LMBR1L: variants seen among roughly 807,000 people sequenced by gnomAD.
LMBR1L encodes limb development membrane protein 1 like.
Under a neutral mutation model 67.3 loss-of-function variants are expected in LMBR1L, and 47 were observed. The ratio of observed to expected loss-of-function variants is 0.70; its 90% confidence interval spans 0.55 to 0.89. The LOEUF is 0.89. Among genes scored for constraint, LMBR1L ranks in the 40% least tolerant of loss-of-function variants. The pLI is 0.00. For missense variants in LMBR1L, 533 were observed against 599.2 expected (o/e 0.89, Z 1.15); for synonymous variants, 247 against 250.3 (o/e 0.99, Z 0.13).
chr12:49,099,801 G>A (rs1024277285), intron 15 of LMBR1L, among the ~76,000 whole-genome samples: 15 of 152,024 alleles, frequency 9.9e-5, no homozygotes, highest in African/African-American at 3.4e-4. Flanking sequence ...GGCTGGTCTC[G>A]AAATCCTGAC....
chr12:49,099,273 G>A (rs909555351), intron 15 of LMBR1L, among the ~76,000 whole-genome samples: 3 of 151,778 alleles, frequency 2.0e-5, no homozygotes, highest in African/African-American at 7.3e-5. Flanking sequence ...CAATTCTCAT[G>A]CCTCAGCTGA....
At chr12:49,100,492 G>A in intron 14 of LMBR1L, 38 bp from the exon 15 acceptor site, 1 of 1,607,902 alleles carries the variant, frequency 6.2e-7, no homozygotes, top group Non-Finnish European at 8.5e-7. Context: ...GAGGGTGGAA[G>A]AGCTGCAGGC....
intron 15 of LMBR1L, among the ~76,000 whole-genome samples, chr12:49,099,860 C>T (rs1939905688): frequency 6.6e-6 from 1 of 152,204 alleles, no homozygotes; most frequent in Non-Finnish European, 1.5e-5. Context: ...GGATTACAGG[C>T]ATGAGCCACT....
chr12:49,106,283 G>T (rs1399864490), intron 2 of LMBR1L: 3 of 406,792 alleles, frequency 7.4e-6, no homozygotes, highest in Non-Finnish European at 1.4e-5. Context: ...CTGTGAGGTT[G>T]GTTACATCAG....
In LMBR1L at chr12:49,103,752, A is replaced by G; in HGVS notation, c.497T>C (p.Leu166Pro). Residue 166 changes from leucine (L) to proline (P), a missense_variant, in exon 6 of 17, where the codon CTA becomes CCA. Transcript: ENST00000267102. ...VMLMLLTLLV[L>P]GMVWVASAIV... Reference sequence around the variant, plus strand: ...GGCTGATGCCACCCACACCATACCTAGCACCAGCAGAGTGAGGAGCATCAA... The same window carrying G: ...GGCTGATGCCACCCACACCATACCTGGCACCAGCAGAGTGAGGAGCATCAA... The G allele has an allele frequency of 1.2e-6, 2 of 1,614,088 alleles. No homozygotes were observed. Among genetic ancestry groups the G allele is most frequent in the Non-Finnish European group, 1.7e-6 (2 of 1,179,992 alleles).
At chr12:49,103,202 C>A (rs979420108) in intron 6 of LMBR1L, 43 bp from the exon 7 acceptor site, 1 of 1,544,390 alleles carries the variant, frequency 6.5e-7, no homozygotes, top group African/African-American at 1.4e-5. Flanking sequence ...TCTCTCCTTA[C>A]TTACTGTCCC....
At position 49,103,750 on chromosome 12, in the gene LMBR1L, C is replaced by T; in HGVS notation, c.499G>A (p.Gly167Ser). The T allele has an allele frequency of 6.2e-7, 1 of 1,614,144 alleles. No homozygotes were observed. The highest frequency in any genetic ancestry group is 8.5e-7 in the Non-Finnish European group (1 of 1,180,016). Residue 167 changes from glycine to serine, a missense_variant, in exon 6 of 17, where the codon GGT (glycine) becomes AGT (serine). Around this residue, in one of 3 missense-constraint regions of LMBR1L, gnomAD observed 246 missense variants for 249.0 expected, o/e 0.99. Transcript: ENST00000267102. ...ATGGCTGATGCCACCCACACCATAC[C>T]TAGCACCAGCAGAGTGAGGAGCATC... is the stretch of plus-strand genomic sequence containing the variant. Reference protein sequence around the residue: ...MLMLLTLLVLGMVWVASAIVD... With the variant: ...MLMLLTLLVLSMVWVASAIVD...
rs761533217 is a variant in LMBR1L at position 49,101,301 on chromosome 12, G to A, written c.1031C>T (p.Ser344Phe). 5.5e-5 allele frequency: 88 copies of A among 1,614,056 alleles called. No individual in the cohort carries two copies. Among genetic ancestry groups the A allele is most frequent in the Non-Finnish European group, 7.0e-5 (83 of 1,180,038 alleles). Residue 344 changes from serine to phenylalanine, a missense_variant, in exon 13 of 17, where the codon TCC (serine) becomes TTC (phenylalanine). Transcript: ENST00000267102. ...ACCAAAGGAGCCCAGCTTGGAGAAG[G>A]AGACCTGGCCTAAGGAGGTACCCTG... ...GMQGTSLGQV[S>F]FSKLGSFGAV...
At chr12:49,105,865 T>C (rs754002953) in intron 3 of LMBR1L, 59 bp downstream of exon 3, 21 of 1,435,884 alleles carry the variant, frequency 1.5e-5, no homozygotes, top group Admixed American at 1.9e-5. Context: ...GCTCCAGGCC[T>C]CCCTAGATCC....
rs771267129 is a variant in LMBR1L, at chr12:49,103,125, T to G, written c.597A>C (p.Ser199=). 2 of 1,613,770 alleles carry G rather than the reference T, an allele frequency of 1.2e-6. No individual in the cohort carries two copies. Among genetic ancestry groups the G allele is most frequent in the Non-Finnish European group, 1.7e-6 (2 of 1,179,890 alleles). Residue 199 remains serine, a synonymous_variant, in exon 7 of 17, where the codon TCA becomes TCC. Transcript: ENST00000267102. Reference sequence around the variant, plus strand: ...GCAGAACCCCAAGGAAGGAGATGCATGAGTAGAGGTAGGGGAGATAGTACT... The same window carrying G: ...GCAGAACCCCAAGGAAGGAGATGCAGGAGTAGAGGTAGGGGAGATAGTACT... ...FWEYYLPYLY[S]CISFLGVLLL...
intron 13 of LMBR1L, 92 bp from the exon 14 acceptor site, chr12:49,100,738 T>C (rs553321201): frequency 1.0e-6 from 1 of 996,044 alleles, no homozygotes; most frequent in African/African-American, 1.7e-5. Context: ...ACTTCTTTTT[T>C]TTTTTTTGAG....
In LMBR1L at chr12:49,100,427, C is replaced by G. The variant is rs1939995856; in HGVS notation, c.1201G>C (p.Val401Leu). The stretch of plus-strand genomic sequence containing the variant: ...AAGACAGGAAGTGCTGAGCTTAGGA[C>G]CAGGAGACAGACACAGTTCCCAATT... ...QIIGNCVCLL[V>L]LSSALPVFSR... Residue 401 changes from valine to leucine, a missense_variant, in exon 15 of 17, where the codon GTC (valine) becomes CTC (leucine). Transcript: ENST00000267102. 6.2e-7 allele frequency: 1 copy of G among 1,613,860 alleles called. No homozygotes were observed. Among genetic ancestry groups the G allele is most frequent in the Admixed American group, 1.7e-5 (1 of 59,996 alleles).
chr12:49,106,852 C>T, intron 2 of LMBR1L, 109 bp downstream of exon 2: 1 of 975,358 alleles, frequency 1.0e-6, no homozygotes, highest in South Asian at 1.3e-5. Flanking sequence ...GGCTCCAGAA[C>T]AGCCCCACAC....
intron 8 of LMBR1L, 89 bp from the exon 9 acceptor site, chr12:49,102,629 A>T: frequency 7.4e-7 from 1 of 1,344,378 alleles, no homozygotes; most frequent in Non-Finnish European, 1.0e-6. Context: ...AGGGCTCCGT[A>T]GTCCCAGGCT....
intron 3 of LMBR1L, chr12:49,105,352 T>G (rs973198523): frequency 3.4e-5 from 6 of 176,128 alleles, no homozygotes; most frequent in African/African-American, 1.4e-4. Context: ...AAGAGGGAAC[T>G]GAAACCTAGC....
chr12:49,104,972 G>T, intron 3 of LMBR1L, 87 bp from the exon 4 acceptor site: 1 of 1,422,500 alleles, frequency 7.0e-7, no homozygotes, highest in Non-Finnish European at 9.6e-7. Context: ...GAGGGCGCCT[G>T]TGGCTTCCAG....
Position 49,100,407 on chromosome 12 carries a change from A to AG in LMBR1L, c.1220dup (p.Val408CysfsTer12), listed in dbSNP as rs983416212. Reference sequence around the variant, plus strand: ...ACTTACCCAGGGTTCGAGAGAAGACAGGAAGTGCTGAGCTTAGGACCAGGA... The same window carrying AG: ...ACTTACCCAGGGTTCGAGAGAAGACAGGGAAGTGCTGAGCTTAGGACCAGGA... On this transcript the variant is annotated frameshift_variant, in exon 15 of 17. Coordinates refer to ENST00000267102, the MANE Select transcript of LMBR1L (RefSeq NM_018113.4). LOFTEE classifies it high-confidence loss of function. 1 of 1,613,914 alleles carries AG rather than the reference A, an allele frequency of 6.2e-7. No homozygotes were observed. The highest frequency in any genetic ancestry group is 8.5e-7 in the Non-Finnish European group (1 of 1,179,730).
chr12:49,107,233 C>T (rs1450178626), intron 1 of LMBR1L, among the ~76,000 whole-genome samples, 188 bp from the exon 2 acceptor site: 1 of 152,188 alleles, frequency 6.6e-6, no homozygotes, highest in Non-Finnish European at 1.5e-5. Flanking sequence ...GCCCCAGGGG[C>T]CTCAAAGAAG....
chr12:49,097,742 G>A lies in LMBR1L; in HGVS notation c.1403-3C>T. On this transcript the variant is annotated splice_region_variant and splice_polypyrimidine_tract_variant and intron_variant, in intron 16 of 16. Transcript: ENST00000267102. ...GGGCAGCGGCAGTCTGTCCAGCCCT[G>A]GAGAAGAGGAGATGGGCAGTCAAAA... 6.2e-7 allele frequency: 1 copy of A among 1,613,980 alleles called. No individual in the cohort carries two copies. The highest frequency in any genetic ancestry group is 8.5e-7 in the Non-Finnish European group (1 of 1,179,936).
Sources: allele counts gnomAD v4.1 joint callset (sites outside exome capture counted in the v4.1 genomes callset), GRCh38; gene constraint gnomAD v4.1.1; regional missense constraint gnomAD v4.1.1; transcripts MANE v1.5; gene names NCBI Gene and HGNC (gene_info 2026-07-23, HGNC 2026-07-21).